Variants in AHRR observed in about 807,000 individuals in gnomAD.
The protein encoded by AHRR is ahR repressor.
Under a neutral mutation model 44.0 loss-of-function variants are expected in AHRR, and 28 were observed. That is an observed-to-expected ratio of 0.64 (90% CI 0.47 to 0.87). The LOEUF (loss-of-function observed/expected upper bound fraction) is 0.87, where lower values mean the gene tolerates loss of function less well. Ranked by LOEUF, AHRR falls within the 40% of genes least tolerant of loss-of-function variation. The pLI is 0.00. For missense variants in AHRR, 990 were observed against 953.9 expected (o/e 1.04, Z -0.50); for synonymous variants, 434 against 407.0 (o/e 1.07, Z -0.80).
chr5:432,828 C>T lies in AHRR; in HGVS notation c.993C>T (p.Gly331=), dbSNP rs773579988. ...CAGGAAGGAGCAGCAGAGAGAGCGG[C>T]GTTTTGGTGCTCAGGGAACAGACTG... ...YSAGRSSRES[G]VLVLREQTDA... The change falls in exon 10 of 11, where the codon GGC becomes GGT. Residue 331 remains glycine (G), a synonymous_variant. Coordinates refer to ENST00000684583, the MANE Select transcript of AHRR (RefSeq NM_001377236.1). 57 of 1,613,740 alleles carry T rather than the reference C, an allele frequency of 3.5e-5. No homozygotes were observed. The highest frequency in any genetic ancestry group is 2.5e-4 in the South Asian group (23 of 91,076).
In AHRR at chr5:434,342, G is replaced by A. The variant is rs374388889; in HGVS notation, c.1602G>A (p.Lys534=). The A allele has an allele frequency of 6.2e-7, 1 of 1,612,858 alleles. No homozygotes were observed. Among genetic ancestry groups the A allele is most frequent in the Non-Finnish European group, 8.5e-7 (1 of 1,179,622 alleles). Residue 534 remains lysine, a synonymous_variant, in exon 11 of 11, where the codon AAG becomes AAA. Coordinates refer to ENST00000684583, the MANE Select transcript of AHRR (RefSeq NM_001377236.1). ...CGCTGCTGCTAGATGTGTCCATCAA[G>A]ATGGAGAAGGACTCTGGGTGTGAGG... is the stretch of plus-strand genomic sequence containing the variant. ...GPTLLLDVSI[K]MEKDSGCEGA...
At chr5:341,904 T>C (rs1229472066) in intron 1 of AHRR, among the ~76,000 whole-genome samples, 2 of 152,316 alleles carry the variant, frequency 1.3e-5, no homozygotes, top group East Asian at 3.9e-4. Context: ...GTTTGCATTT[T>C]CATTTTTGTT....
At chr5:379,968 C>A (rs1270789157) in intron 4 of AHRR, among the ~76,000 whole-genome samples, 1 of 152,152 alleles carries the variant, frequency 6.6e-6, no homozygotes, top group African/African-American at 2.4e-5. Flanking sequence ...TCATATGTTA[C>A]ATTCTGGTCT....
At chr5:360,699 C>G (rs1158326274) in intron 3 of AHRR, among the ~76,000 whole-genome samples, 1 of 152,054 alleles carries the variant, frequency 6.6e-6, no homozygotes, top group Non-Finnish European at 1.5e-5. Flanking sequence ...CCGTGGAACG[C>G]GAGGAAAGTG....
At chr5:373,526 G>A (rs1403684339) in intron 3 of AHRR, among the ~76,000 whole-genome samples, 2 of 152,218 alleles carry the variant, frequency 1.3e-5, no homozygotes, top group African/African-American at 4.8e-5. Flanking sequence ...CCAATGCCCA[G>A]GAAGGACACC....
chr5:421,237 C>G (rs938292213), intron 5 of AHRR: 1 of 693,490 alleles, frequency 1.4e-6, no homozygotes, highest in African/African-American at 1.8e-5. Context: ...AACGCCCACC[C>G]CGCGGTTCAG....
chr5:390,534 G>A (rs905211184), intron 4 of AHRR, among the ~76,000 whole-genome samples: 2 of 152,174 alleles, frequency 1.3e-5, no homozygotes, highest in African/African-American at 2.4e-5. Flanking sequence ...TGACGTTAAC[G>A]CTGAAGAGGT....
intron 4 of AHRR, among the ~76,000 whole-genome samples, chr5:409,596 C>CGTAA (rs1189078102): frequency 6.6e-6 from 1 of 152,064 alleles, no homozygotes; most frequent in East Asian, 1.9e-4. Flanking sequence ...GTATGATGGG[C>CGTAA]GTTACTCTAT....
At chr5:366,889 A>T (rs1344094123) in intron 3 of AHRR, among the ~76,000 whole-genome samples, 1 of 152,210 alleles carries the variant, frequency 6.6e-6, no homozygotes, top group African/African-American at 2.4e-5. Context: ...CCAGCAGGCC[A>T]TGAAAGCCAA....
chr5:343,908 C>T lies in AHRR; in HGVS notation c.6C>T (p.Ile2=). The change falls in exon 2 of 11, where the codon ATC becomes ATT. Residue 2 remains isoleucine, a synonymous_variant. Transcript: ENST00000684583. M[I]PPGECTYAGR... is the part of the protein sequence containing the mutation. ...TGTCTTCCAGGCCGAGGACGATGAT[C>T]CCGCCGGGGGAGTGCACGTACGCGG... 6.2e-7 allele frequency: 1 copy of T among 1,600,924 alleles called. No individual in the cohort carries two copies. The highest frequency in any genetic ancestry group is 8.5e-7 in the Non-Finnish European group (1 of 1,174,434).
At chr5:423,581 C>T (rs897501791) in intron 6 of AHRR, among the ~76,000 whole-genome samples, 10 of 152,234 alleles carry the variant, frequency 6.6e-5, no homozygotes, top group African/African-American at 2.4e-4. Flanking sequence ...CAAGACCCTT[C>T]TGTAAAGCTA....
rs2126502368 is a variant in AHRR, at chr5:406,091, A to G, written c.352-7253A>G. 6.6e-6 allele frequency among the ~76,000 whole-genome samples: 1 copy of G among 152,308 alleles called. No individual in the cohort carries two copies. Among genetic ancestry groups the G allele is most frequent in the East Asian group, 1.9e-4 (1 of 5,188 alleles). ...ATTCTGCAACAAAATTAACTGGGGA[A>G]AAAAAAACTAGGGAGAAAACGGGAA... is the stretch of plus-strand genomic sequence containing the variant. On this transcript the variant is annotated intron_variant, in intron 4 of 10. Coordinates refer to ENST00000684583, the MANE Select transcript of AHRR (RefSeq NM_001377236.1). The surrounding 1 kb of genome is among the most constrained non-coding windows in gnomAD (Gnocchi z 4.7).
At chr5:413,143 C>G (rs1395978112) in intron 4 of AHRR, among the ~76,000 whole-genome samples, 3 of 152,154 alleles carry the variant, frequency 2.0e-5, no homozygotes, top group African/African-American at 7.2e-5. Context: ...CCTTGTAAAC[C>G]ATGGCTGCCT....
chr5:395,047 G>T lies in AHRR; in HGVS notation c.352-18297G>T, dbSNP rs1300603951. ...CTCGAGGCATCTTGGGAGGGCAAAG[G>T]CAGGACGGGAAAGTGATTTCTCCCA... On this transcript the variant is annotated intron_variant, in intron 4 of 10. Transcript: ENST00000684583. This position sits in a 1 kb window ranked among gnomAD's most constrained non-coding sequence, Gnocchi z 5.3. Among the ~76,000 whole-genome samples the T allele has an allele frequency of 6.6e-6, 1 of 152,232 alleles. No homozygotes were observed. Among genetic ancestry groups the T allele is most frequent in the Non-Finnish European group, 1.5e-5 (1 of 68,026 alleles).
At chr5:413,990 C>T (rs181605318) in intron 5 of AHRR, among the ~76,000 whole-genome samples, 228 of 152,334 alleles carry the variant, frequency 1.5e-3, no homozygotes, top group Middle Eastern at 6.8e-3. Context: ...CCCAGCCGGG[C>T]GCGGTGGCTC....
chr5:376,309 C>T (rs114396119), intron 3 of AHRR, among the ~76,000 whole-genome samples: 10,262 of 152,182 alleles, frequency 0.067, 509 homozygotes, highest in Non-Finnish European at 0.089. Context: ...GGACAGAGAG[C>T]AGTTTCTGCA....
Position 370,144 on chromosome 5 carries a change from C to T in AHRR, c.245-6466C>T, listed in dbSNP as rs1743520248. On this transcript the variant is annotated intron_variant, in intron 3 of 10. Coordinates refer to ENST00000684583, the MANE Select transcript of AHRR (RefSeq NM_001377236.1). The surrounding 1 kb of genome is among the most constrained non-coding windows in gnomAD (Gnocchi z 4.5). Reference sequence around the variant, plus strand: ...CGTCCTCCCGGGCCCTCGCTGGTGCCCCGTCCTCCCGGGCCCTCGCTGGAA... The same window carrying T: ...CGTCCTCCCGGGCCCTCGCTGGTGCTCCGTCCTCCCGGGCCCTCGCTGGAA... Among the ~76,000 whole-genome samples the T allele has an allele frequency of 6.8e-6, 1 of 148,044 alleles. No homozygotes were observed. Among genetic ancestry groups the T allele is most frequent in the Non-Finnish European group, 1.5e-5 (1 of 66,806 alleles).
intron 3 of AHRR, among the ~76,000 whole-genome samples, chr5:363,071 T>C (rs1167065012): frequency 6.6e-6 from 1 of 152,236 alleles, no homozygotes; most frequent in Non-Finnish European, 1.5e-5. Flanking sequence ...GTTAAAACTC[T>C]ACATGTCTTC....
intron 1 of AHRR, among the ~76,000 whole-genome samples, chr5:335,195 C>A (rs1742075362): frequency 1.3e-5 from 2 of 152,122 alleles, no homozygotes; most frequent in African/African-American, 4.8e-5. Flanking sequence ...TTCTCAGAAG[C>A]TAGTTGTAGT....
Sources: allele counts gnomAD v4.1 joint callset (sites outside exome capture counted in the v4.1 genomes callset), GRCh38; gene constraint gnomAD v4.1.1; non-coding constraint Gnocchi (gnomAD v3.1); transcripts MANE v1.5; gene names NCBI Gene and HGNC (gene_info 2026-07-23, HGNC 2026-07-21).